PRKN: variants seen among roughly 807,000 people sequenced by gnomAD.
The protein encoded by PRKN is E3 ubiquitin-protein ligase parkin.
Under a neutral mutation model 59.5 loss-of-function variants are expected in PRKN, and 56 were observed. That is an observed-to-expected ratio of 0.94 (90% CI 0.76 to 1.18). PRKN has a LOEUF of 1.18. PRKN is among the 50% of genes most tolerant of loss of function. The pLI is 0.00. For missense variants in PRKN, 657 were observed against 596.4 expected, an observed-to-expected ratio of 1.10 and a Z score of -1.06; for synonymous variants, 250 against 222.1, an observed-to-expected ratio of 1.13 and a Z score of -1.12.
intron 9 of PRKN, among the ~76,000 whole-genome samples, chr6:161,425,576 A>T (rs1788305121): frequency 6.6e-6 from 1 of 152,024 alleles, no homozygotes; most frequent in African/African-American, 2.4e-5. Context: ...GAATCCACAG[A>T]TTTTCATTTC....
chr6:161,999,568 G>A (rs967340944), intron 5 of PRKN, among the ~76,000 whole-genome samples: 5 of 152,088 alleles, frequency 3.3e-5, no homozygotes, highest in African/African-American at 7.2e-5. Context: ...AGCAATGTGC[G>A]AGGTCCAAGA....
intron 3 of PRKN, among the ~76,000 whole-genome samples, chr6:162,242,849 C>T (rs987363565): frequency 6.6e-6 from 1 of 152,084 alleles, no homozygotes; most frequent in South Asian, 2.1e-4. Flanking sequence ...TAGAAAACTG[C>T]ATCTTCATGG....
chr6:162,591,616 T>C (rs1264071070), intron 1 of PRKN, among the ~76,000 whole-genome samples: 1 of 152,176 alleles, frequency 6.6e-6, no homozygotes, highest in Non-Finnish European at 1.5e-5. Flanking sequence ...TCACCTAATA[T>C]ATAAGCTTTT....
intron 2 of PRKN, among the ~76,000 whole-genome samples, chr6:162,402,945 G>C (rs1161553567): frequency 6.6e-6 from 1 of 151,992 alleles, no homozygotes; most frequent in Non-Finnish European, 1.5e-5. Context: ...GCCTGGCCCT[G>C]TCATGCATAT....
At chr6:161,737,470 A>G (rs1299117876) in intron 7 of PRKN, among the ~76,000 whole-genome samples, 1 of 152,242 alleles carries the variant, frequency 6.6e-6, no homozygotes, top group African/African-American at 2.4e-5. Flanking sequence ...AGGGAAATAA[A>G]GTGTGGATAG....
intron 4 of PRKN, among the ~76,000 whole-genome samples, chr6:162,109,294 C>T (rs371781077): frequency 8.6e-4 from 131 of 152,174 alleles, no homozygotes; most frequent in African/African-American, 3.0e-3. Context: ...CAAAGAAAGT[C>T]GCAAAGTTGG....
chr6:162,510,509 C>G (rs1453051722), intron 1 of PRKN, among the ~76,000 whole-genome samples: 1 of 152,192 alleles, frequency 6.6e-6, no homozygotes, highest in East Asian at 1.9e-4. Flanking sequence ...GCAGGGACTG[C>G]TCTCTGGGGA....
chr6:162,464,845 G>A (rs922140457), intron 1 of PRKN, among the ~76,000 whole-genome samples: 1 of 150,466 alleles, frequency 6.6e-6, no homozygotes. Context: ...AAAAGAAGAA[G>A]AAAAAAAGAA....
chr6:161,358,104 AC>A (rs1470867936), intron 11 of PRKN, among the ~76,000 whole-genome samples: 2 of 151,784 alleles, frequency 1.3e-5, no homozygotes, highest in African/African-American at 2.4e-5. Context: ...TGCAGTTGGC[AC>A]CTTTTTTCCT....
chr6:162,012,823 G>A (rs760272690), intron 5 of PRKN, among the ~76,000 whole-genome samples: 47 of 152,060 alleles, frequency 3.1e-4, no homozygotes, highest in Admixed American at 5.9e-4. Flanking sequence ...TGTGTAGAAT[G>A]TTCCTCAATC....
chr6:162,601,530 T>C lies in PRKN; in HGVS notation c.7+126132A>G, dbSNP rs1213648748. ...ACAAGTACTTCCGTGGACATATGTT[T>C]TCGTTTCTTTTAGGTTAGAGAGGGG... is the stretch of plus-strand genomic sequence containing the variant. On this transcript the variant is annotated intron_variant, in intron 1 of 11. Transcript: ENST00000366898. Among the ~76,000 whole-genome samples the C allele has an allele frequency of 2.0e-5, 3 of 152,152 alleles. No homozygotes were observed. The East Asian group carries it at 5.8e-4, about 29-fold the overall frequency.
At chr6:161,644,556 C>T (rs1783855733) in intron 7 of PRKN, among the ~76,000 whole-genome samples, 1 of 152,218 alleles carries the variant, frequency 6.6e-6, no homozygotes, top group South Asian at 2.1e-4. Flanking sequence ...TTCAAGTGGG[C>T]TTGTCTCATC....
At chr6:161,735,225 C>A (rs1034593974) in intron 7 of PRKN, among the ~76,000 whole-genome samples, 2 of 151,982 alleles carry the variant, frequency 1.3e-5, no homozygotes, top group Non-Finnish European at 2.9e-5. Flanking sequence ...ACAAGTCCCC[C>A]TCATGTGGAT....
At chr6:161,651,963 C>T (rs1645851947) in intron 7 of PRKN, among the ~76,000 whole-genome samples, 1 of 152,162 alleles carries the variant, frequency 6.6e-6, no homozygotes, top group South Asian at 2.1e-4. Context: ...AGCATTTGAA[C>T]ATTTTGATGT....
At chr6:161,997,129 C>G (rs1286799241) in intron 5 of PRKN, among the ~76,000 whole-genome samples, 1 of 152,092 alleles carries the variant, frequency 6.6e-6, no homozygotes, top group Non-Finnish European at 1.5e-5. Context: ...GCAACGTGCT[C>G]TATTCCATAG....
rs140918135 is a variant in PRKN at position 161,903,219 on chromosome 6, T to C, written c.734+70083A>G. Among the ~76,000 whole-genome samples the C allele has an allele frequency of 3.3e-5, 4 of 122,598 alleles. No individual in the cohort carries two copies. In the East Asian group the frequency reaches 7.7e-4, roughly 24 times the overall value. 80.4% of individuals were successfully genotyped at this position (122,598 alleles called of 152,430 possible). A position where few individuals can be genotyped will look rare whatever the true frequency, so the allele number is the denominator to read the frequency against. On this transcript the variant is annotated intron_variant, in intron 6 of 11. Transcript: ENST00000366898. ...GCTGCACTGGCTCTAGAGCCAACTG[T>C]GTCTTTCCTTCCCAAGTCTGTACTC...
intron 1 of PRKN, among the ~76,000 whole-genome samples, chr6:162,608,336 T>C (rs1782004839): frequency 1.3e-5 from 2 of 152,108 alleles, no homozygotes; most frequent in Admixed American, 6.6e-5. Flanking sequence ...CAGGTGAATA[T>C]ACCGACAAAG....
chr6:162,719,278 T>C (rs777461318), intron 1 of PRKN, among the ~76,000 whole-genome samples: 2 of 152,188 alleles, frequency 1.3e-5, no homozygotes, highest in East Asian at 3.9e-4. Context: ...TCTACATTTG[T>C]CTGTGGTCAG....
At position 161,717,022 on chromosome 6, in the gene PRKN, GT is replaced by G. The variant is rs375662578; in HGVS notation, c.871+68749del. ...AATTGCTGTGTGCAGAGCATGTCAT[GT>G]AGGCTGGGCTGGCCAACACCCAGCT... On this transcript the variant is annotated intron_variant, in intron 7 of 11. Transcript: ENST00000366898. 6.9e-3 allele frequency among the ~76,000 whole-genome samples: 1,054 copies of G among 152,294 alleles called. 11 individuals are homozygous for G. Among genetic ancestry groups the G allele is most frequent in the African/African-American group, 0.024 (1,015 of 41,552 alleles).
Sources: allele counts gnomAD v4.1 joint callset (sites outside exome capture counted in the v4.1 genomes callset), GRCh38; gene constraint gnomAD v4.1.1; transcripts MANE v1.5; gene names NCBI Gene and HGNC (gene_info 2026-07-23, HGNC 2026-07-21).